JPT2: variants seen among roughly 807,000 people sequenced by gnomAD.
JPT2 encodes Jupiter microtubule associated homolog 2.
JPT2 carries 9 observed loss-of-function variants against 15.9 expected under a neutral mutation model. The observed-to-expected ratio is 0.57, with a 90% CI of 0.34 to 0.99. JPT2 has a LOEUF of 0.99. Among genes scored for constraint, JPT2 ranks in the 50% least tolerant of loss-of-function variants. JPT2 has a pLI of 0.02. For missense variants in JPT2, 267 were observed against 252.1 expected, an observed-to-expected ratio of 1.06 and a Z score of -0.40; for synonymous variants, 95 against 91.7, an observed-to-expected ratio of 1.04 and a Z score of -0.21.
chr16:1,687,591 G>T (rs1006874087), intron 2 of JPT2, among the ~76,000 whole-genome samples: 1 of 152,092 alleles, frequency 6.6e-6, no homozygotes, highest in Non-Finnish European at 1.5e-5. Context: ...CACTTTGCCC[G>T]TTCCACATGG....
intron 1 of JPT2, chr16:1,680,331 G>A (rs2037012430): frequency 1.0e-6 from 1 of 1,002,274 alleles, no homozygotes; most frequent in Non-Finnish European, 1.2e-6. Context: ...CGACGCCGAT[G>A]TTTTTATATT....
intron 2 of JPT2, among the ~76,000 whole-genome samples, chr16:1,687,015 C>T (rs2037071920): frequency 6.6e-6 from 1 of 152,236 alleles, no homozygotes; most frequent in African/African-American, 2.4e-5. Context: ...CGGGGTCTCA[C>T]TCTGTCGCCC....
In JPT2 at chr16:1,698,713, G is replaced by A; in HGVS notation, c.386-98G>A. ...TTCCCAGTTACAGCATGAATTTCTT[G>A]CAGGTTGCTCTATGACACACTTTTT... is the stretch of plus-strand genomic sequence containing the variant. On this transcript the variant is annotated intron_variant, in intron 4 of 4. Coordinates refer to ENST00000248098, the MANE Select transcript of JPT2 (RefSeq NM_144570.3). The surrounding 1 kb of genome is among the most constrained non-coding windows in gnomAD (Gnocchi z 4.9). The A allele has an allele frequency of 5.9e-6, 7 of 1,178,972 alleles. No individual in the cohort carries two copies. The highest frequency in any genetic ancestry group is 8.3e-6 in the Non-Finnish European group (7 of 847,806). 73.0% of individuals were successfully genotyped at this position (1,178,972 alleles called of 1,614,324 possible). A position where few individuals can be genotyped will look rare whatever the true frequency, so the allele number is the denominator to read the frequency against.
At chr16:1,685,772 T>G (rs1009694816) in intron 2 of JPT2, 185 bp downstream of exon 2, 1 of 608,698 alleles carries the variant, frequency 1.6e-6, no homozygotes, top group African/African-American at 1.9e-5. Flanking sequence ...TTGAGTAGTC[T>G]TGAATTCTCC....
intron 1 of JPT2, 136 bp downstream of exon 1, chr16:1,678,492 G>GC: frequency 1.1e-6 from 1 of 873,022 alleles, no homozygotes; most frequent in Non-Finnish European, 1.5e-6. Flanking sequence ...GGCCCTCGGG[G>GC]CCGCCGCCCG....
At chr16:1,695,423 TC>T (rs1406923246) in intron 3 of JPT2, among the ~76,000 whole-genome samples, 1 of 140,168 alleles carries the variant, frequency 7.1e-6, no homozygotes, top group Non-Finnish European at 1.5e-5. Flanking sequence ...AAAAAAAAAA[TC>T]AGTTGCGTAT....
chr16:1,683,282 T>G (rs2037038824), intron 1 of JPT2, among the ~76,000 whole-genome samples: 1 of 151,936 alleles, frequency 6.6e-6, no homozygotes, highest in Admixed American at 6.6e-5. Flanking sequence ...GGCCTTATTT[T>G]TGTATTTTTT....
chr16:1,685,801 G>A (rs2037060596), intron 2 of JPT2: 3 of 459,848 alleles, frequency 6.5e-6, no homozygotes, highest in Non-Finnish European at 7.3e-6. Context: ...TGGAGACTTT[G>A]GTTGAATACA....
At chr16:1,681,242 T>A (rs2037020644) in intron 1 of JPT2, among the ~76,000 whole-genome samples, 1 of 152,184 alleles carries the variant, frequency 6.6e-6, no homozygotes, top group Non-Finnish European at 1.5e-5. Flanking sequence ...GTTCCATTCA[T>A]CCGAGACCCC....
At chr16:1,685,930 A>C in intron 2 of JPT2, 1 of 209,776 alleles carries the variant, frequency 4.8e-6, no homozygotes, top group Non-Finnish European at 9.6e-6. Context: ...GTGCATTTAA[A>C]CATTTTTCCT....
chr16:1,686,140 A>C (rs1276768404), intron 2 of JPT2: 1 of 152,978 alleles, frequency 6.5e-6, no homozygotes, highest in African/African-American at 2.4e-5. Context: ...TGGGAGGCCA[A>C]GGTGTGCAGA....
At chr16:1,689,374 A>G (rs1463341881) in intron 2 of JPT2, 2 of 152,208 alleles carry the variant, frequency 1.3e-5, no homozygotes, top group Non-Finnish European at 2.9e-5. Context: ...CTTACTCAGC[A>G]GGCCAGGACT....
In JPT2 at chr16:1,698,908, C is replaced by T. The variant is rs1308463508; in HGVS notation, c.483C>T (p.Asp161=). 6 of 1,614,132 alleles carry T rather than the reference C, an allele frequency of 3.7e-6. No individual in the cohort carries two copies. The highest frequency in any genetic ancestry group is 4.2e-6 in the Non-Finnish European group (5 of 1,180,054). ...AGCAGGAGCCCATGCCCACAGTCGA[C>T]AGCCATGAGCCCCGGCTGGGGCCGC... ...AKEQEPMPTV[D]SHEPRLGPRP... is the part of the protein sequence containing the mutation. The change falls in exon 5 of 5, where the codon GAC becomes GAT. Residue 161 remains aspartate, a synonymous_variant. Transcript: ENST00000248098. The surrounding 1 kb of genome is among the most constrained non-coding windows in gnomAD (Gnocchi z 4.9).
chr16:1,694,735 G>A (rs66982778), intron 3 of JPT2, among the ~76,000 whole-genome samples: 12,701 of 151,840 alleles, frequency 0.084, 590 homozygotes, highest in African/African-American at 0.12. Context: ...AGTGGGGAAA[G>A]AACAGTCTCT....
rs549462125 is a variant in JPT2, at chr16:1,682,992, T to G, written c.45-2447T>G. On this transcript the variant is annotated intron_variant, in intron 1 of 4. Transcript: ENST00000248098. ...TAATTTTTTGTTTGTTTGTTTGTTT[T>G]TTTGAGACGGAATCTCGCTCTGTCA... 5.2e-4 allele frequency among the ~76,000 whole-genome samples: 79 copies of G among 152,038 alleles called. 1 individual carries two copies. The highest frequency in any genetic ancestry group is 8.4e-4 in the Non-Finnish European group (57 of 67,998).
At position 1,700,550 on chromosome 16, in the gene JPT2, TCCCCTTC is replaced by T; in HGVS notation, c.*1554_*1560del. ...TGCCTGCAGGAGCCGCCTGCCAAGC[TCCCCTTC>T]CTACACCTGGCACACTGGGGTCTGC... On this transcript the variant is annotated 3_prime_UTR_variant, in exon 5 of 5. Coordinates refer to ENST00000248098, the MANE Select transcript of JPT2 (RefSeq NM_144570.3). The T allele has an allele frequency of 1.5e-4, 28 of 185,264 alleles. No homozygotes were observed. The highest frequency in any genetic ancestry group is 5.8e-4 in the East Asian group (5 of 8,628). The allele number at this position is 185,264 out of a possible 1,614,324, so 11.5% of individuals were successfully genotyped here.
At chr16:1,691,567 T>G (rs1163853132) in intron 2 of JPT2, among the ~76,000 whole-genome samples, 1 of 152,064 alleles carries the variant, frequency 6.6e-6, no homozygotes, top group Non-Finnish European at 1.5e-5. Flanking sequence ...AGAGGGAAAA[T>G]CTGCAGTTTG....
chr16:1,683,577 G>T, intron 1 of JPT2: 1 of 1,535,458 alleles, frequency 6.5e-7, no homozygotes, highest in Non-Finnish European at 8.7e-7. Context: ...CAGGGGCCCT[G>T]GGCACCACTT....
At chr16:1,693,374 A>C (rs1012547529) in intron 3 of JPT2, among the ~76,000 whole-genome samples, 3 of 152,186 alleles carry the variant, frequency 2.0e-5, no homozygotes, top group African/African-American at 7.2e-5. Flanking sequence ...TGGGATTACA[A>C]ATGTGAGCCA....
Sources: gnomAD v4.1 joint callset for allele counts (sites outside exome capture counted in the v4.1 genomes callset) on GRCh38, gnomAD v4.1.1 for gene constraint, Gnocchi (gnomAD v3.1) non-coding constraint, MANE v1.5 for transcripts, NCBI Gene and HGNC (gene_info 2026-07-23, HGNC 2026-07-21) for gene names.